The following PPOX variants were observed in gnomAD, a reference collection of about 807,000 sequenced individuals.
The protein encoded by PPOX is protoporphyrinogen oxidase.
Under a neutral mutation model 54.1 loss-of-function variants are expected in PPOX, and 23 were observed. That is an observed-to-expected ratio of 0.43 (90% CI 0.31 to 0.60). The LOEUF is 0.60. Among genes scored for constraint, PPOX ranks in the 20% least tolerant of loss-of-function variants. PPOX has a pLI of 0.13. For synonymous variants in PPOX, 224 were observed against 236.1 expected (o/e 0.95, Z 0.47); for missense variants, 512 against 601.1 (o/e 0.85, Z 1.55).
downstream of PPOX, among the ~76,000 whole-genome samples, chr1:161,173,123 C>G (rs1662088702): frequency 6.6e-6 from 1 of 152,304 alleles, no homozygotes; most frequent in South Asian, 2.1e-4. Flanking sequence ...ATACCAAGCC[C>G]AAATATTCAT....
chr1:161,168,632 G>T (rs1382334590), intron 6 of PPOX, 56 bp downstream of exon 6: 1 of 1,587,380 alleles, frequency 6.3e-7, no homozygotes, highest in Non-Finnish European at 8.6e-7. Flanking sequence ...AAGTGAGGGA[G>T]TGGGGACAAG....
At position 161,167,424 on chromosome 1, in the gene PPOX, A is replaced by T. The variant is rs765401778; in HGVS notation, c.276A>T (p.Pro92=). The T allele has an allele frequency of 5.0e-6, 8 of 1,613,738 alleles. No individual in the cohort carries two copies. The highest frequency in any genetic ancestry group is 1.7e-4 in the Middle Eastern group (1 of 5,780). The change falls in exon 4 of 13, where the codon CCA becomes CCT. Residue 92 remains proline (P), a synonymous_variant. Transcript: ENST00000367999. ...SEVLPVRGDH[P]AAQNRFLYVG... is the part of the protein sequence containing the mutation. ...TGCTGCCTGTCCGGGGAGACCACCCAGCTGCCCAGAACAGGTTCCTCTACG... is the reference window on the plus strand; with the variant it reads ...TGCTGCCTGTCCGGGGAGACCACCCTGCTGCCCAGAACAGGTTCCTCTACG...
At position 161,171,112 on chromosome 1, in the gene PPOX, A is replaced by G; in HGVS notation, c.1370A>G (p.Asn457Ser). 1 of 1,613,974 alleles carries G rather than the reference A, an allele frequency of 6.2e-7. No homozygotes were observed. The change falls in exon 13 of 13, where the codon AAT becomes AGT. Residue 457 changes from asparagine (N) to serine (S), a missense_variant. Coordinates refer to ENST00000367999, the MANE Select transcript of PPOX (RefSeq NM_001122764.3). ...GCCTCCTATGAGGGAGTTGCTGTTA[A>G]TGACTGTATAGAGAGTGGGCGCCAG... ...AGASYEGVAV[N>S]DCIESGRQAA...
At chr1:161,173,173 A>G (rs1314025175), downstream of PPOX, among the ~76,000 whole-genome samples, 2 of 152,230 alleles carry the variant, frequency 1.3e-5, no homozygotes, top group African/African-American at 4.8e-5. Context: ...GCTGAAGGTC[A>G]GAATGTTTCA....
intron 7 of PPOX, 163 bp from the exon 8 acceptor site, chr1:161,169,497 T>C: frequency 1.3e-6 from 1 of 794,360 alleles, no homozygotes; most frequent in Non-Finnish European, 2.2e-6. Context: ...AGGAATGATT[T>C]TTTGTGAAGT....
Position 161,167,203 on chromosome 1 carries a change from C to A in PPOX, c.191C>A (p.Ala64Glu), listed in dbSNP as rs1295795376. 1.2e-6 allele frequency: 2 copies of A among 1,614,126 alleles called. No homozygotes were observed. Among genetic ancestry groups the A allele is most frequent in the Non-Finnish European group, 1.7e-6 (2 of 1,180,020 alleles). The change falls in exon 3 of 13, where the codon GCG (alanine) becomes GAG (glutamate). Residue 64 changes from alanine (A) to glutamate (E), a missense_variant. Transcript: ENST00000367999. ...FELGPRGIRP[A>E]GALGARTLLL... ...CTTGGACCTCGGGGAATTAGGCCAG[C>A]GGGAGCCCTAGGGGCCCGGACCTTG...
At position 161,169,138 on chromosome 1, in the gene PPOX, C is replaced by T; in HGVS notation, c.762C>T (p.Gly254=). Residue 254 remains glycine (G), a synonymous_variant, in exon 7 of 13, where the codon GGC becomes GGT. Coordinates refer to ENST00000367999, the MANE Select transcript of PPOX (RefSeq NM_001122764.3). ...LTSRGVSVLR[G]QPVCGLSLQA... ...GTAGGGGGGTCAGTGTTCTCAGAGG[C>T]CAGCCGGTCTGTGGGCTCAGCCTCC... 1.2e-6 allele frequency: 2 copies of T among 1,614,158 alleles called. No individual in the cohort carries two copies. The highest frequency in any genetic ancestry group is 1.1e-5 in the South Asian group (1 of 91,084).
chr1:161,172,555 A>G, downstream of PPOX: 1 of 512,032 alleles, frequency 2.0e-6, no homozygotes, highest in East Asian at 3.3e-5. Context: ...TAGGGCCTTT[A>G]AACAGTTGGC....
At chr1:161,175,238 A>C, downstream of PPOX, 1 of 1,609,102 alleles carries the variant, frequency 6.2e-7, no homozygotes, top group South Asian at 1.1e-5. Flanking sequence ...ACTGTTGGGA[A>C]GGAATGGCAA....
chr1:161,175,031 G>A (rs1225628718), downstream of PPOX: 25 of 1,613,668 alleles, frequency 1.5e-5, no homozygotes, highest in Non-Finnish European at 2.1e-5. Context: ...AGCTGCTGGC[G>A]CTGCAAGAAG....
Position 161,167,193 on chromosome 1 carries a change from A to AT in PPOX, c.183dup (p.Arg62Ter), listed in dbSNP as rs1438290973. 6.2e-7 allele frequency: 1 copy of AT among 1,614,026 alleles called. No homozygotes were observed. The highest frequency in any genetic ancestry group is 1.3e-5 in the African/African-American group (1 of 74,892). ...TATCTTTGAGCTTGGACCTCGGGGAATTAGGCCAGCGGGAGCCCTAGGGGC... is the reference window on the plus strand; with the variant it reads ...TATCTTTGAGCTTGGACCTCGGGGAATTTAGGCCAGCGGGAGCCCTAGGGGC... On this transcript the variant is annotated frameshift_variant, in exon 3 of 13. Coordinates refer to ENST00000367999, the MANE Select transcript of PPOX (RefSeq NM_001122764.3). LOFTEE classifies it high-confidence loss of function.
chr1:161,167,127 C>G lies in PPOX; in HGVS notation c.115C>G (p.Leu39Val). ...KVVLVESSER[L>V]GGWIRSVRGP... ...GGTCCTAGTGGAGAGCAGTGAGCGT[C>G]TGGGAGGCTGGATTCGCTCCGTTCG... The change falls in exon 3 of 13, where the codon CTG (leucine) becomes GTG (valine). Residue 39 changes from leucine to valine, a missense_variant. Leu to Val is a conservative substitution (Grantham distance 32). Transcript: ENST00000367999. 6.2e-7 allele frequency: 1 copy of G among 1,614,176 alleles called. No homozygotes were observed. The highest frequency in any genetic ancestry group is 8.5e-7 in the Non-Finnish European group (1 of 1,180,038).
At position 161,176,879 on chromosome 1, in the gene PPOX, CAT is replaced by C; in HGVS notation, c.404_405del (p.His135ArgfsTer8). On this transcript the variant is annotated frameshift_variant, in exon 5 of 5. Coordinates refer to the PPOX transcript ENST00000497522. LOFTEE classifies it low-confidence loss of function (END_TRUNC). ...GAACCAGTTGAAGTGGCGACAGAGT[CAT>C]GACAGGACCGTGGAGTGGCCTAAGG... The C allele has an allele frequency of 6.5e-7, 1 of 1,536,170 alleles. No individual in the cohort carries two copies. Among genetic ancestry groups the C allele is most frequent in the Non-Finnish European group, 8.7e-7 (1 of 1,146,808 alleles).
At chr1:161,166,417 G>T (rs889715145), upstream of PPOX, 1 of 1,125,098 alleles carries the variant, frequency 8.9e-7, no homozygotes, top group African/African-American at 1.6e-5. Flanking sequence ...CGTGCCGCGA[G>T]AACAGAGTGG....
chr1:161,166,031 G>C, upstream of PPOX: 1 of 949,210 alleles, frequency 1.1e-6, no homozygotes, highest in East Asian at 1.2e-4. Context: ...CCTAGCTCCC[G>C]TAGGCCCGGT....
downstream of PPOX, among the ~76,000 whole-genome samples, chr1:161,172,637 G>A (rs1173177257): frequency 1.3e-5 from 2 of 152,132 alleles, no homozygotes; most frequent in African/African-American, 4.8e-5. Context: ...GCAGAGAGAG[G>A]CCATTCTGTC....
downstream of PPOX, among the ~76,000 whole-genome samples, chr1:161,173,310 G>A (rs1662185364): frequency 1.3e-5 from 2 of 152,204 alleles, no homozygotes; most frequent in Admixed American, 1.3e-4. Flanking sequence ...CCCAGCAGAA[G>A]GCAAGACTAA....
chr1:161,177,278 C>G, downstream of PPOX: 1 of 582,228 alleles, frequency 1.7e-6, no homozygotes, highest in Non-Finnish European at 3.1e-6. Flanking sequence ...GCAACGTGAG[C>G]CCGCCCGGCC....
chr1:161,170,320 G>GCC, intron 9 of PPOX, 89 bp from the exon 10 acceptor site: 1 of 494,792 alleles, frequency 2.0e-6, no homozygotes. Context: ...GTGAGACTCT[G>GCC]TCCCCCCCAC....
Sources: gnomAD v4.1 joint callset for allele counts (sites outside exome capture counted in the v4.1 genomes callset) on GRCh38, gnomAD v4.1.1 for gene constraint, MANE v1.5 for transcripts, NCBI Gene and HGNC (gene_info 2026-07-23, HGNC 2026-07-21) for gene names.